The following CIART variants were observed in gnomAD, a reference collection of about 807,000 sequenced individuals.
CIART encodes the protein circadian associated repressor of transcription, also known as circadian-associated transcriptional repressor.
In CIART, 7 loss-of-function variants were observed where a neutral mutation model predicts 22.1. The observed-to-expected ratio is 0.32, with a 90% CI of 0.18 to 0.59. The LOEUF is 0.59. Ranked by LOEUF, CIART falls within the 20% of genes least tolerant of loss-of-function variation. The pLI, the probability that CIART is intolerant of heterozygous loss-of-function variation, is 0.86. For missense variants in CIART, 440 were observed against 478.0 expected, an observed-to-expected ratio of 0.92 and a Z score of 0.74; for synonymous variants, 163 against 174.6, an observed-to-expected ratio of 0.93 and a Z score of 0.53.
At chr1:150,285,222 A>C (rs1255603080) in intron 4 of CIART, 2 of 172,532 alleles carry the variant, frequency 1.2e-5, no homozygotes, top group Non-Finnish European at 2.5e-5. Context: ...GTGTTGATAG[A>C]TTCTTAGACC....
At chr1:150,283,771 G>A (rs1553854060) in intron 1 of CIART, 34 bp from the exon 2 acceptor site, 2 of 1,553,838 alleles carry the variant, frequency 1.3e-6, no homozygotes, top group Non-Finnish European at 1.8e-6. Flanking sequence ...GCAGTTTTTT[G>A]TCTTCTTACA....
At chr1:150,284,775 A>G in intron 4 of CIART, 67 bp downstream of exon 4, 9 of 1,210,826 alleles carry the variant, frequency 7.4e-6, no homozygotes, top group Non-Finnish European at 1.1e-5. Flanking sequence ...GCATGCAGAA[A>G]TGGCCCCTTT....
At chr1:150,284,537 A>G in intron 3 of CIART, 33 bp downstream of exon 3, 1 of 1,596,930 alleles carries the variant, frequency 6.3e-7, no homozygotes, top group South Asian at 1.1e-5. Flanking sequence ...TTGGGTCTTC[A>G]TAAAAAGGAG....
rs6671747 is a variant in CIART, at chr1:150,283,105, G to A, written c.-163G>A. On this transcript the variant is annotated 5_prime_UTR_variant, in exon 1 of 5. Coordinates refer to ENST00000290363, the MANE Select transcript of CIART (RefSeq NM_144697.4). ...TTGTGTTTGAGACCGGTAATATTGGGGAGGGGGAGAACAAGTATTATCCCA... is the reference window on the plus strand; with the variant it reads ...TTGTGTTTGAGACCGGTAATATTGGAGAGGGGGAGAACAAGTATTATCCCA... 5,081 of 620,254 alleles carry A rather than the reference G, an allele frequency of 8.2e-3. 203 individuals carry two copies. The African/African-American group carries it at 0.082, about 10-fold the overall frequency. The allele number at this position is 620,254 out of a possible 1,614,324, so 38.4% of individuals were successfully genotyped here. A position where few individuals can be genotyped will look rare whatever the true frequency, so the allele number is the denominator to read the frequency against.
At position 150,286,908 on chromosome 1, in the gene CIART, G is replaced by GA. The variant is rs1553854818; in HGVS notation, c.1114dup (p.Ser372LysfsTer8). 1 of 1,600,320 alleles carries GA rather than the reference G, an allele frequency of 6.2e-7. No homozygotes were observed. Among genetic ancestry groups the GA allele is most frequent in the Admixed American group, 1.7e-5 (1 of 58,942 alleles). On this transcript the variant is annotated frameshift_variant, in exon 5 of 5. Transcript: ENST00000290363. LOFTEE classifies it high-confidence loss of function. Reference sequence around the variant, plus strand: ...ACCATAGGACACCGGGAGCAGCAGAGAAGCCATCCTCCAGTTGCTGCTGAT... The same window carrying GA: ...ACCATAGGACACCGGGAGCAGCAGAGAAAGCCATCCTCCAGTTGCTGCTGAT...
At chr1:150,285,044 T>A (rs2101892413) in intron 4 of CIART, 1 of 296,672 alleles carries the variant, frequency 3.4e-6, no homozygotes, top group Admixed American at 5.0e-5. Context: ...CTCTGCAAAC[T>A]CTTTTTTCCC....
Position 150,283,843 on chromosome 1 carries a change from C to T in CIART, c.405C>T (p.Asp135=). ...AAGGATTTATACCTCCTCTCACAGA[C>T]CTACTCAATGGGCTGAAGATGGGTC... ...ELQGFIPPLT[D]LLNGLKMGRF... Residue 135 remains aspartate (D), a synonymous_variant, in exon 2 of 5, where the codon GAC becomes GAT. Transcript: ENST00000290363. 1 of 1,596,058 alleles carries T rather than the reference C, an allele frequency of 6.3e-7. No individual in the cohort carries two copies. Among genetic ancestry groups the T allele is most frequent in the Non-Finnish European group, 8.6e-7 (1 of 1,163,996 alleles).
intron 4 of CIART, 100 bp downstream of exon 4, chr1:150,284,808 T>C: frequency 1.3e-6 from 1 of 786,470 alleles, no homozygotes; most frequent in Non-Finnish European, 2.1e-6. Context: ...TTGAGTCTTT[T>C]CTTCAAGTTT....
rs1458797864 is a variant in CIART, at chr1:150,284,463, G to T, written c.480G>T (p.Arg160Ser). The change falls in exon 3 of 5, where the codon AGG (arginine) becomes AGT (serine). Residue 160 changes from arginine to serine, a missense_variant. Physicochemically the swap from Arg to Ser is moderately radical, Grantham distance 110. Coordinates refer to ENST00000290363, the MANE Select transcript of CIART (RefSeq NM_144697.4). ...SSFQQSVAMD[R>S]IQRIVGVLQK... ...TTCAGCAGAGTGTGGCAATGGACAG[G>T]ATCCAGCGTATTGTAGGTGTTTTGC... The T allele has an allele frequency of 6.8e-6, 11 of 1,613,196 alleles. No homozygotes were observed. Among genetic ancestry groups the T allele is most frequent in the Non-Finnish European group, 9.3e-6 (11 of 1,179,134 alleles).
Position 150,283,187 on chromosome 1 carries a change from C to T in CIART, c.-81C>T. 7.2e-7 allele frequency: 1 copy of T among 1,381,882 alleles called. No homozygotes were observed. Among genetic ancestry groups the T allele is most frequent in the African/African-American group, 1.5e-5 (1 of 68,744 alleles). 85.6% of individuals were successfully genotyped at this position (1,381,882 alleles called of 1,614,324 possible). A position where few individuals can be genotyped will look rare whatever the true frequency, so the allele number is the denominator to read the frequency against. ...CTAATCCTTAAACTCTGGTTTCAAACTCCCTCGCTTTGCTCTTCAGTTGCA... is the reference window on the plus strand; with the variant it reads ...CTAATCCTTAAACTCTGGTTTCAAATTCCCTCGCTTTGCTCTTCAGTTGCA... On this transcript the variant is annotated 5_prime_UTR_variant, in exon 1 of 5. Coordinates refer to ENST00000290363, the MANE Select transcript of CIART (RefSeq NM_144697.4).
chr1:150,283,147 CT>C lies in CIART; in HGVS notation c.-120del. ...ATTATCCCACGCAGTACACCCCAAT[CT>C]CCCAGTTCATTTCCTAATCCTTAAA... On this transcript the variant is annotated 5_prime_UTR_variant, in exon 1 of 5. It removes the in-frame stop codon of an upstream open reading frame in the 5' UTR. Transcript: ENST00000290363. 9.3e-7 allele frequency: 1 copy of C among 1,080,732 alleles called. No individual in the cohort carries two copies. The highest frequency in any genetic ancestry group is 1.3e-6 in the Non-Finnish European group (1 of 771,828). 66.9% of individuals were successfully genotyped at this position (1,080,732 alleles called of 1,614,324 possible).
chr1:150,283,144 A>C lies in CIART; in HGVS notation c.-124A>C. ...AGTATTATCCCACGCAGTACACCCC[A>C]ATCTCCCAGTTCATTTCCTAATCCT... On this transcript the variant is annotated 5_prime_UTR_variant, in exon 1 of 5. Transcript: ENST00000290363. The C allele has an allele frequency of 6.7e-6, 7 of 1,046,660 alleles. No individual in the cohort carries two copies. Among genetic ancestry groups the C allele is most frequent in the Non-Finnish European group, 9.4e-6 (7 of 742,000 alleles). 64.8% of individuals were successfully genotyped at this position (1,046,660 alleles called of 1,614,324 possible). A position where few individuals can be genotyped will look rare whatever the true frequency, so the allele number is the denominator to read the frequency against.
At position 150,286,846 on chromosome 1, in the gene CIART, A is replaced by T; in HGVS notation, c.1050A>T (p.Leu350=). The T allele has an allele frequency of 6.2e-7, 1 of 1,613,060 alleles. No individual in the cohort carries two copies. The highest frequency in any genetic ancestry group is 8.5e-7 in the Non-Finnish European group (1 of 1,179,118). ...TGCCATCAGACTGGAGCTATACCCT[A>T]TCCCCTCCCAGTCTACCCACCTTGG... ...VTLPSDWSYT[L]SPPSLPTLAR... The change falls in exon 5 of 5, where the codon CTA becomes CTT. Residue 350 remains leucine, a synonymous_variant. Transcript: ENST00000290363.
In CIART at chr1:150,283,836, T is replaced by G; in HGVS notation, c.398T>G (p.Leu133Arg). The change falls in exon 2 of 5, where the codon CTC becomes CGC. Residue 133 changes from leucine (L) to arginine (R), a missense_variant. Leu to Arg is a moderately radical substitution (Grantham distance 102). Coordinates refer to ENST00000290363, the MANE Select transcript of CIART (RefSeq NM_144697.4). ...CKELQGFIPP[L>R]TDLLNGLKMG... ...GAACTCCAAGGATTTATACCTCCTC[T>G]CACAGACCTACTCAATGGGCTGAAG... 30 of 1,597,030 alleles carry G rather than the reference T, an allele frequency of 1.9e-5. No homozygotes were observed. Among genetic ancestry groups the G allele is most frequent in the Non-Finnish European group, 2.6e-5 (30 of 1,164,728 alleles).
Position 150,286,834 on chromosome 1 carries a change from G to A in CIART, c.1038G>A (p.Trp346Ter). 3.7e-6 allele frequency: 6 copies of A among 1,613,492 alleles called. No homozygotes were observed. The highest frequency in any genetic ancestry group is 5.1e-6 in the Non-Finnish European group (6 of 1,179,554). The change falls in exon 5 of 5, where the codon TGG becomes TGA. Residue 346 changes from tryptophan (W) to a stop codon, truncating the protein, a stop_gained. Coordinates refer to ENST00000290363, the MANE Select transcript of CIART (RefSeq NM_144697.4). LOFTEE classifies it low-confidence loss of function (END_TRUNC). ...YSLPVTLPSDWSYTLSPPSLP... is the reference protein window; with the variant it reads ...YSLPVTLPSD ...TGCCAGTAACTCTGCCATCAGACTG[G>A]AGCTATACCCTATCCCCTCCCAGTC...
At chr1:150,285,138 C>G (rs1653410788) in intron 4 of CIART, 1 of 217,716 alleles carries the variant, frequency 4.6e-6, no homozygotes, top group South Asian at 6.4e-5. Flanking sequence ...GTTTTTGAGT[C>G]TACACTGGGT....
chr1:150,284,615 C>T lies in CIART; in HGVS notation c.540C>T (p.Thr180=). ...TTCACAGGGAACGTTACCTAGGAACCTTGCTACAGGTAGAAGGGATGTTAA... is the reference window on the plus strand; with the variant it reads ...TTCACAGGGAACGTTACCTAGGAACTTTGCTACAGGTAGAAGGGATGTTAA... ...KPQMGERYLG[T]LLQVEGMLKT... The change falls in exon 4 of 5, where the codon ACC becomes ACT. Residue 180 remains threonine, a synonymous_variant. Transcript: ENST00000290363. 2 of 1,613,382 alleles carry T rather than the reference C, an allele frequency of 1.2e-6. No individual in the cohort carries two copies. The highest frequency in any genetic ancestry group is 1.7e-6 in the Non-Finnish European group (2 of 1,179,364).
chr1:150,284,105 C>T (rs1653336193), intron 2 of CIART, among the ~76,000 whole-genome samples: 1 of 151,968 alleles, frequency 6.6e-6, no homozygotes, highest in Non-Finnish European at 1.5e-5. Flanking sequence ...GCAACTTCCA[C>T]CTCCTGGGTT....
At chr1:150,283,783 C>G (rs1553854062) in intron 1 of CIART, 22 bp from the exon 2 acceptor site, 2 of 1,558,556 alleles carry the variant, frequency 1.3e-6, no homozygotes, top group East Asian at 2.2e-5. Flanking sequence ...CTTCTTACAG[C>G]CTTTGTCCTA....
Sources: allele counts gnomAD v4.1 joint callset (sites outside exome capture counted in the v4.1 genomes callset), GRCh38; gene constraint gnomAD v4.1.1; transcripts MANE v1.5; gene names NCBI Gene and HGNC (gene_info 2026-07-23, HGNC 2026-07-21).